SLC35F3: variants seen among roughly 807,000 people sequenced by gnomAD.
SLC35F3 encodes putative thiamine transporter SLC35F3.
In SLC35F3, 25 loss-of-function variants were observed where a neutral mutation model predicts 49.9. The ratio of observed to expected loss-of-function variants is 0.50; its 90% CI spans 0.37 to 0.70. The LOEUF is 0.70. SLC35F3 is among the 30% of genes least tolerant of loss of function. SLC35F3 has a pLI of 0.00. For synonymous variants in SLC35F3, 275 were observed against 265.4 expected, an observed-to-expected ratio of 1.04 and a Z score of -0.35; for missense variants, 525 against 639.8, an observed-to-expected ratio of 0.82 and a Z score of 1.94.
At chr1:234,278,930 C>G (rs1668259858) in intron 3 of SLC35F3, among the ~76,000 whole-genome samples, 1 of 152,110 alleles carries the variant, frequency 6.6e-6, no homozygotes, top group African/African-American at 2.4e-5. Context: ...GGTGTGAACC[C>G]TGAATATCTG....
intron 2 of SLC35F3, among the ~76,000 whole-genome samples, chr1:234,202,215 A>G (rs865839749): frequency 6.6e-6 from 1 of 152,314 alleles, no homozygotes; most frequent in African/African-American, 2.4e-5. Context: ...ACACATGGAC[A>G]TGTGGTGCAG....
chr1:233,933,873 A>G (rs999077542), intron 2 of SLC35F3, among the ~76,000 whole-genome samples: 2 of 152,186 alleles, frequency 1.3e-5, no homozygotes, highest in African/African-American at 2.4e-5. Flanking sequence ...AGGGAAGCAC[A>G]CGGAAGAGGA....
chr1:234,044,430 T>C (rs1166373461), intron 2 of SLC35F3, among the ~76,000 whole-genome samples: 1 of 152,252 alleles, frequency 6.6e-6, no homozygotes, highest in East Asian at 1.9e-4. Context: ...TGTCTTTGTC[T>C]ACTCTCAAGA....
Position 234,309,114 on chromosome 1 carries a change from T to C in SLC35F3, c.622T>C (p.Phe208Leu), listed in dbSNP as rs1386575496. 6.2e-7 allele frequency: 1 copy of C among 1,613,728 alleles called. No individual in the cohort carries two copies. The highest frequency in any genetic ancestry group is 8.5e-7 in the Non-Finnish European group (1 of 1,179,692). Residue 208 changes from phenylalanine to leucine, a missense_variant, in exon 4 of 8, where the codon TTT (phenylalanine) becomes CTT (leucine). By Grantham distance (22) the Phe-to-Leu change is conservative (BLOSUM62 0). This residue lies in a region of SLC35F3 where 216 missense variants were observed against 298.1 expected (regional missense o/e 0.72). Transcript: ENST00000366618. ...TCCTTGTTTTAGGGAATGCTGTCGA[T>C]TTTTTGGAGACAATGGCTTGACTTT... ...VKQRYRECCR[F>L]FGDNGLTLKV...
chr1:234,219,930 G>A (rs566143722), intron 2 of SLC35F3, among the ~76,000 whole-genome samples: 12 of 152,336 alleles, frequency 7.9e-5, no homozygotes, highest in African/African-American at 2.6e-4. Flanking sequence ...AGACGAAGGC[G>A]CAGAGCTAGG....
intron 2 of SLC35F3, among the ~76,000 whole-genome samples, chr1:234,102,806 G>A (rs549954024): frequency 5.9e-5 from 9 of 152,290 alleles, no homozygotes; most frequent in Non-Finnish European, 1.2e-4. Flanking sequence ...AACCACAGCC[G>A]CTAAAGTCGG....
At position 234,052,564 on chromosome 1, in the gene SLC35F3, T is replaced by A. The variant is rs185222345; in HGVS notation, c.283+146806T>A. Among the ~76,000 whole-genome samples, 4 of 152,290 alleles carry A rather than the reference T, an allele frequency of 2.6e-5. No homozygotes were observed. In the East Asian group the frequency reaches 7.7e-4, roughly 29 times the overall value. ...TTAGTCTTACTAGCGTTCTTTCAATTTTGTTGATCTTTTCAAAAAATGAGC... is the reference window on the plus strand; with the variant it reads ...TTAGTCTTACTAGCGTTCTTTCAATATTGTTGATCTTTTCAAAAAATGAGC... On this transcript the variant is annotated intron_variant, in intron 2 of 7. Transcript: ENST00000366618.
At position 234,086,294 on chromosome 1, in the gene SLC35F3, G is replaced by C. The variant is rs111637257; in HGVS notation, c.284-145123G>C. On this transcript the variant is annotated intron_variant, in intron 2 of 7. Transcript: ENST00000366618. ...AGTTCAAGCTTAAGGTGCATTCTGA[G>C]GAACGGGAGAAATGAGTCAGGGGCT... Among the ~76,000 whole-genome samples, 906 of 152,264 alleles carry C rather than the reference G, an allele frequency of 6.0e-3. 12 individuals carry two copies. The highest frequency in any genetic ancestry group is 0.02 in the African/African-American group (847 of 41,560).
chr1:234,164,338 TTC>T (rs1364651800), intron 2 of SLC35F3, among the ~76,000 whole-genome samples: 56 of 149,570 alleles, frequency 3.7e-4, no homozygotes, highest in African/African-American at 1.3e-3. Flanking sequence ...CTCTCCGTCT[TTC>T]TCTCTCCCCC....
intron 2 of SLC35F3, among the ~76,000 whole-genome samples, chr1:234,140,002 A>AATAAAATAAAATAAAATAAAAAAT: frequency 4.7e-5 from 5 of 105,474 alleles, no homozygotes; most frequent in Non-Finnish European, 1.2e-4. Context: ...AATAAAATAA[A>AATAAAATAAAATAAAATAAAAAAT]GTAAGTGACT....
intron 2 of SLC35F3, among the ~76,000 whole-genome samples, chr1:234,129,375 C>G (rs1200902001): frequency 6.6e-6 from 1 of 152,126 alleles, no homozygotes; most frequent in Non-Finnish European, 1.5e-5. Context: ...CAATACATTA[C>G]ACAAAAAATA....
intron 2 of SLC35F3, among the ~76,000 whole-genome samples, chr1:233,968,633 C>T (rs1254725045): frequency 6.6e-6 from 1 of 151,958 alleles, no homozygotes; most frequent in Non-Finnish European, 1.5e-5. Flanking sequence ...TACAGGTGCA[C>T]ACCACCACAC....
At chr1:234,024,880 A>G (rs1256028314) in intron 2 of SLC35F3, among the ~76,000 whole-genome samples, 1 of 152,064 alleles carries the variant, frequency 6.6e-6, no homozygotes, top group Admixed American at 6.5e-5. Context: ...GGGTAAATTG[A>G]GTGTCATTGA....
chr1:233,950,475 T>A (rs1358908728), intron 2 of SLC35F3, among the ~76,000 whole-genome samples: 1 of 142,854 alleles, frequency 7.0e-6, no homozygotes, highest in Non-Finnish European at 1.5e-5. Context: ...CTTCCTTCCT[T>A]CCTTCCTTCC....
At chr1:234,005,998 C>T (rs1663625270) in intron 2 of SLC35F3, among the ~76,000 whole-genome samples, 1 of 152,248 alleles carries the variant, frequency 6.6e-6, no homozygotes, top group East Asian at 1.9e-4. Flanking sequence ...TTTATGGTTC[C>T]TTCCTACTGA....
chr1:234,017,536 AC>A (rs1171765832), intron 2 of SLC35F3, among the ~76,000 whole-genome samples: 2 of 151,386 alleles, frequency 1.3e-5, no homozygotes, highest in African/African-American at 4.9e-5. Flanking sequence ...ACACTGTGAA[AC>A]CCCGTCTCTA....
intron 2 of SLC35F3, among the ~76,000 whole-genome samples, chr1:234,165,941 A>G (rs1666311961): frequency 6.6e-6 from 1 of 152,166 alleles, no homozygotes; most frequent in South Asian, 2.1e-4. Context: ...GTAAGTGAGA[A>G]CATGCGGTAT....
At chr1:233,967,371 T>C (rs1368242945) in intron 2 of SLC35F3, among the ~76,000 whole-genome samples, 1 of 152,198 alleles carries the variant, frequency 6.6e-6, no homozygotes, top group Non-Finnish European at 1.5e-5. Flanking sequence ...AGTTTTAACT[T>C]TACCTTATTA....
At chr1:233,991,351 C>T (rs1358484415) in intron 2 of SLC35F3, among the ~76,000 whole-genome samples, 13 of 152,032 alleles carry the variant, frequency 8.6e-5, no homozygotes, top group Admixed American at 5.2e-4. Flanking sequence ...GTTCTTGAAA[C>T]GCCCGTGCCT....
Sources: gnomAD v4.1 joint callset for allele counts (sites outside exome capture counted in the v4.1 genomes callset) on GRCh38, gnomAD v4.1.1 for gene constraint, gnomAD v4.1.1 regional missense constraint, MANE v1.5 for transcripts, NCBI Gene and HGNC (gene_info 2026-07-23, HGNC 2026-07-21) for gene names.